PACRG: variants seen among roughly 807,000 people sequenced by gnomAD.
The protein encoded by PACRG is parkin coregulated, also known as parkin coregulated gene protein.
A neutral mutation model predicts 29.7 loss-of-function variants in PACRG; 29 were observed. The observed-to-expected ratio is 0.98, with a 90% CI of 0.73 to 1.33. PACRG has a LOEUF of 1.33. Among genes scored for constraint, PACRG ranks in the 40% most tolerant of loss-of-function variants. PACRG has a pLI of 0.00. For missense variants in PACRG, 279 were observed against 316.2 expected, an observed-to-expected ratio of 0.88 and a Z score of 0.89; for synonymous variants, 116 against 118.7, an observed-to-expected ratio of 0.98 and a Z score of 0.15.
At chr6:162,829,027 A>G (rs1343570509) in intron 2 of PACRG, among the ~76,000 whole-genome samples, 1 of 152,258 alleles carries the variant, frequency 6.6e-6, no homozygotes, top group Non-Finnish European at 1.5e-5. Flanking sequence ...ATGCAAATAT[A>G]TATTTCCTTT....
intron 4 of PACRG, among the ~76,000 whole-genome samples, chr6:163,092,862 T>C (rs1004015420): frequency 5.3e-5 from 8 of 152,210 alleles, no homozygotes; most frequent in Admixed American, 2.0e-4. Context: ...TATGAATTAT[T>C]ATGTAACAAC....
At chr6:163,123,304 G>A (rs1816378239) in intron 4 of PACRG, among the ~76,000 whole-genome samples, 1 of 151,736 alleles carries the variant, frequency 6.6e-6, no homozygotes, top group Non-Finnish European at 1.5e-5. Flanking sequence ...AGCCATGACA[G>A]CTGTGGTGAC....
chr6:163,302,248 GT>G (rs200519195), intron 4 of PACRG, among the ~76,000 whole-genome samples: 6 of 104,618 alleles, frequency 5.7e-5, no homozygotes, highest in Admixed American at 3.6e-4. Context: ...TTTTTTGTTT[GT>G]TTTTTTTTGT....
At chr6:163,128,857 C>T (rs1404760705) in intron 4 of PACRG, among the ~76,000 whole-genome samples, 2 of 152,188 alleles carry the variant, frequency 1.3e-5, no homozygotes, top group Non-Finnish European at 2.9e-5. Flanking sequence ...GAAGTAACTG[C>T]TCCTTACATA....
chr6:162,779,626 G>A (rs191929738), intron 1 of PACRG, among the ~76,000 whole-genome samples: 19 of 152,306 alleles, frequency 1.2e-4, no homozygotes, highest in Admixed American at 9.1e-4. Context: ...GATGAGTCTT[G>A]GAGCTTGGAG....
intron 2 of PACRG, among the ~76,000 whole-genome samples, chr6:162,941,494 G>C (rs1382690363): frequency 6.6e-6 from 1 of 152,164 alleles, no homozygotes; most frequent in African/African-American, 2.4e-5. Context: ...AAGGAAATCA[G>C]ATCAGAGTAA....
chr6:162,908,596 C>G (rs975069458), intron 2 of PACRG, among the ~76,000 whole-genome samples: 5 of 152,226 alleles, frequency 3.3e-5, no homozygotes, highest in Admixed American at 1.3e-4. Context: ...CATTCCATGT[C>G]TCTGCTCTTT....
chr6:163,224,549 G>A (rs1377960825), intron 4 of PACRG, among the ~76,000 whole-genome samples: 1 of 152,004 alleles, frequency 6.6e-6, no homozygotes, highest in Non-Finnish European at 1.5e-5. Context: ...ATATTCAGCT[G>A]ATCTGCAACA....
intron 2 of PACRG, among the ~76,000 whole-genome samples, chr6:162,934,260 C>CA (rs771565424): frequency 0.013 from 1,840 of 146,794 alleles, 41 homozygotes; most frequent in African/African-American, 0.032. Context: ...GAGACTGTCT[C>CA]AAAAAAAAAA....
At chr6:163,020,121 A>G (rs1447303816) in intron 2 of PACRG, among the ~76,000 whole-genome samples, 1 of 152,226 alleles carries the variant, frequency 6.6e-6, no homozygotes, top group Non-Finnish European at 1.5e-5. Context: ...ATGTAAAGAA[A>G]ACATAATACT....
intron 2 of PACRG, among the ~76,000 whole-genome samples, chr6:163,030,160 T>C (rs1173095017): frequency 6.6e-6 from 1 of 152,056 alleles, no homozygotes; most frequent in Non-Finnish European, 1.5e-5. Flanking sequence ...ATGTGAAATG[T>C]ACCATCAGAG....
chr6:163,197,549 T>G (rs1362291430), intron 4 of PACRG, among the ~76,000 whole-genome samples: 3 of 149,176 alleles, frequency 2.0e-5, no homozygotes, highest in Non-Finnish European at 4.5e-5. Flanking sequence ...GTTCACGCCA[T>G]TCTCCTGCCT....
chr6:162,730,965 C>T (rs1287031156), intron 1 of PACRG, among the ~76,000 whole-genome samples: 6 of 152,096 alleles, frequency 3.9e-5, no homozygotes, highest in African/African-American at 1.4e-4. Flanking sequence ...TTGTCAGATA[C>T]TTTCTGTGCT....
At chr6:162,800,318 G>C (rs1011966867) in intron 1 of PACRG, among the ~76,000 whole-genome samples, 2 of 152,002 alleles carry the variant, frequency 1.3e-5, no homozygotes, top group Non-Finnish European at 2.9e-5. Flanking sequence ...TCCTACAATG[G>C]AGAATTTTAA....
At chr6:162,730,642 C>A (rs1446754527) in intron 1 of PACRG, among the ~76,000 whole-genome samples, 65 of 151,986 alleles carry the variant, frequency 4.3e-4, no homozygotes, top group Non-Finnish European at 5.9e-5. Context: ...TATGAGAGTG[C>A]AAGATTATTG....
At chr6:162,940,391 CCT>C (rs145437947) in intron 2 of PACRG, among the ~76,000 whole-genome samples, 1 of 150,492 alleles carries the variant, frequency 6.6e-6, no homozygotes. Context: ...TCTCTCTCTC[CCT>C]CTCTCTCTCT....
At chr6:162,996,894 A>G (rs1298853462) in intron 2 of PACRG, among the ~76,000 whole-genome samples, 1 of 152,176 alleles carries the variant, frequency 6.6e-6, no homozygotes, top group Non-Finnish European at 1.5e-5. Context: ...TCAGGGTTAA[A>G]ATGTAGACTG....
intron 4 of PACRG, among the ~76,000 whole-genome samples, chr6:163,266,540 T>C (rs540553774): frequency 1.3e-5 from 2 of 152,312 alleles, no homozygotes; most frequent in East Asian, 1.9e-4. Flanking sequence ...GCCAGGATCT[T>C]GGGTCTAAGA....
intron 2 of PACRG, among the ~76,000 whole-genome samples, chr6:162,899,472 C>A (rs1171272685): frequency 6.6e-6 from 1 of 152,116 alleles, no homozygotes; most frequent in Non-Finnish European, 1.5e-5. Context: ...AAGCCCGTGC[C>A]GGACCTTCTG....
Sources: allele counts gnomAD v4.1 joint callset (sites outside exome capture counted in the v4.1 genomes callset), GRCh38; gene constraint gnomAD v4.1.1; transcripts MANE v1.5; gene names NCBI Gene and HGNC (gene_info 2026-07-23, HGNC 2026-07-21).